Variants in COA8 observed in about 807,000 individuals in gnomAD.
The protein encoded by COA8 is cytochrome c oxidase assembly factor 8, also known as UPF0671 protein C14orf153.
A neutral mutation model predicts 22.0 loss-of-function variants in COA8; 20 were observed. The ratio of observed to expected loss-of-function variants is 0.91; its 90% confidence interval spans 0.64 to 1.32. The LOEUF is 1.32. COA8 is among the 40% of genes most tolerant of loss of function. The pLI, the probability that COA8 is intolerant of heterozygous loss-of-function variation, is 0.00. For missense variants in COA8, 266 were observed against 230.0 expected, an observed-to-expected ratio of 1.16 and a Z score of -1.01; for synonymous variants, 105 against 79.9, an observed-to-expected ratio of 1.31 and a Z score of -1.68.
chr14:103,577,642 G>C (rs545229870), intron 3 of COA8, among the ~76,000 whole-genome samples: 239 of 152,218 alleles, frequency 1.6e-3, no homozygotes, highest in African/African-American at 5.5e-3. Flanking sequence ...ACTTTGTGAG[G>C]CTGAGGTGGG....
intron 1 of COA8, chr14:103,567,391 A>AAT (rs1210458302): frequency 6.7e-6 from 1 of 149,906 alleles, no homozygotes; most frequent in African/African-American, 2.5e-5. Context: ...AAAAAAAAAA[A>AAT]AATTTTTTTT....
At chr14:103,563,281 C>T (rs1265687730) in intron 1 of COA8, 157 bp downstream of exon 1, 2 of 1,001,282 alleles carry the variant, frequency 2.0e-6, no homozygotes, top group Admixed American at 4.0e-5. Context: ...CCCGAGGCTC[C>T]CGCATCAACG....
chr14:103,584,685 G>A (rs1258723436), intron 3 of COA8, among the ~76,000 whole-genome samples: 1 of 152,134 alleles, frequency 6.6e-6, no homozygotes, highest in African/African-American at 2.4e-5. Context: ...GTCAACACTT[G>A]TTATTGTCTG....
chr14:103,574,078 CTTTT>C lies in COA8; in HGVS notation c.322-7_322-4del, dbSNP rs11337243. 4,538 of 1,007,970 alleles carry C rather than the reference CTTTT, an allele frequency of 4.5e-3. No homozygotes were observed. Among genetic ancestry groups the C allele is most frequent in the East Asian group, 9.6e-3 (262 of 27,276 alleles). 62.4% of individuals were successfully genotyped at this position (1,007,970 alleles called of 1,614,324 possible). On this transcript the variant is annotated intron_variant, in intron 2 of 4. Coordinates refer to ENST00000409074, the MANE Select transcript of COA8 (RefSeq NM_001370595.2). ...AGACAGAGAAAGGAGTTCTGAGAGC[CTTTT>C]TTTTTTTTTTTTTTTTTTTTTAAGG...
At chr14:103,582,570 A>G (rs2076275974) in intron 3 of COA8, among the ~76,000 whole-genome samples, 3 of 152,150 alleles carry the variant, frequency 2.0e-5, no homozygotes, top group African/African-American at 7.2e-5. Flanking sequence ...ATTCCCGTGT[A>G]GCGGTGGCTC....
At chr14:103,584,737 C>T (rs1181124358) in intron 3 of COA8, among the ~76,000 whole-genome samples, 2 of 152,132 alleles carry the variant, frequency 1.3e-5, no homozygotes, top group East Asian at 3.8e-4. Flanking sequence ...CGTGGCATGC[C>T]TTTGTCTTTC....
chr14:103,587,515 T>C (rs969084514), intron 4 of COA8, 151 bp downstream of exon 4: 103 of 519,580 alleles, frequency 2.0e-4, no homozygotes, highest in East Asian at 3.9e-4. Context: ...TTTCTTTTTT[T>C]TTTTTTTTTT....
rs773302707 is a variant in COA8, at chr14:103,571,684, A to G, written c.185A>G (p.Tyr62Cys). 10 of 1,614,118 alleles carry G rather than the reference A, an allele frequency of 6.2e-6. No homozygotes were observed. Among genetic ancestry groups the G allele is most frequent in the South Asian group, 1.1e-5 (1 of 91,090 alleles). The change falls in exon 2 of 5, where the codon TAT becomes TGT. Residue 62 changes from tyrosine to cysteine, a missense_variant. Transcript: ENST00000409074. ...CHDWIGPPDKYSNLRPVHFYI... is the reference protein window; with the variant it reads ...CHDWIGPPDKCSNLRPVHFYI... ...GATTGGATAGGACCCCCAGATAAATATTCAAACCTTCGACCTGTTCACTTT... is the reference window on the plus strand; with the variant it reads ...GATTGGATAGGACCCCCAGATAAATGTTCAAACCTTCGACCTGTTCACTTT...
intron 1 of COA8, among the ~76,000 whole-genome samples, chr14:103,570,847 A>G (rs1208204792): frequency 2.0e-5 from 3 of 152,096 alleles, no homozygotes; most frequent in African/African-American, 7.2e-5. Flanking sequence ...AATAGTTTGG[A>G]GGAAGGGGTG....
At chr14:103,580,047 G>A (rs2076256012) in intron 3 of COA8, among the ~76,000 whole-genome samples, 1 of 151,620 alleles carries the variant, frequency 6.6e-6, no homozygotes, top group Non-Finnish European at 1.5e-5. Context: ...ATCCAGGGAT[G>A]ACTTAAAGCA....
At chr14:103,587,762 CT>C (rs1034763764) in intron 4 of COA8, among the ~76,000 whole-genome samples, 14 of 151,822 alleles carry the variant, frequency 9.2e-5, no homozygotes, top group Admixed American at 9.2e-4. Flanking sequence ...CTGCCTTGGC[CT>C]CCCAAAGTGC....
Position 103,590,350 on chromosome 14 carries a change from G to A in COA8, c.*64G>A. 1.4e-6 allele frequency: 2 copies of A among 1,441,570 alleles called. No homozygotes were observed. The highest frequency in any genetic ancestry group is 1.9e-6 in the Non-Finnish European group (2 of 1,043,652). The allele number at this position is 1,441,570 out of a possible 1,614,324, so 89.3% of individuals were successfully genotyped here. On this transcript the variant is annotated 3_prime_UTR_variant, in exon 5 of 5. Coordinates refer to ENST00000409074, the MANE Select transcript of COA8 (RefSeq NM_001370595.2). ...GGAAGCAGATGGAGCTCCTTTCACA[G>A]GGGCTCTGAGAAAAACTGGAGCTGA...
chr14:103,588,997 C>T (rs912216192), intron 4 of COA8, among the ~76,000 whole-genome samples: 1 of 152,154 alleles, frequency 6.6e-6, no homozygotes, highest in African/African-American at 2.4e-5. Flanking sequence ...TATAATCTTT[C>T]CCTGGTCTTT....
At chr14:103,570,292 A>G (rs1022302556) in intron 1 of COA8, among the ~76,000 whole-genome samples, 1 of 152,228 alleles carries the variant, frequency 6.6e-6, no homozygotes, top group Admixed American at 6.5e-5. Context: ...TTGATCCAGC[A>G]TCAAATCAGT....
chr14:103,569,019 G>A (rs2076160230), intron 1 of COA8, among the ~76,000 whole-genome samples: 1 of 152,116 alleles, frequency 6.6e-6, no homozygotes, highest in Non-Finnish European at 1.5e-5. Flanking sequence ...GAATGCACAT[G>A]TGCCTCTCTG....
intron 3 of COA8, chr14:103,574,471 G>A: frequency 1.8e-6 from 1 of 559,638 alleles, no homozygotes; most frequent in Non-Finnish European, 3.4e-6. Context: ...CTCCAAAGCA[G>A]CTTTTCTTCT....
rs1169699744 is a variant in COA8, at chr14:103,572,774, CAA to C, written c.321+966_321+967del. 4.3e-3 allele frequency among the ~76,000 whole-genome samples: 601 copies of C among 139,644 alleles called. 5 individuals are homozygous for C. Among genetic ancestry groups the C allele is most frequent in the African/African-American group, 0.015 (574 of 38,480 alleles). The allele number at this position is 139,644 out of a possible 152,430, so 91.6% of individuals were successfully genotyped here. On this transcript the variant is annotated intron_variant, in intron 2 of 4. Coordinates refer to ENST00000409074, the MANE Select transcript of COA8 (RefSeq NM_001370595.2). ...TGTGTTGTCATTCTTCCTGAGAATTCAAAAAAAAAAAAATTTTTTTCTTTTTT... is the reference window on the plus strand; with the variant it reads ...TGTGTTGTCATTCTTCCTGAGAATTCAAAAAAAAAAATTTTTTTCTTTTTT...
intron 3 of COA8, among the ~76,000 whole-genome samples, chr14:103,580,896 A>G (rs985920981): frequency 2.7e-5 from 4 of 150,622 alleles, no homozygotes; most frequent in Non-Finnish European, 4.4e-5. Flanking sequence ...TCCTTGGTTC[A>G]AGGAATTCTC....
At chr14:103,564,151 CAA>C (rs59104875) in intron 1 of COA8, among the ~76,000 whole-genome samples, 6 of 143,478 alleles carry the variant, frequency 4.2e-5, no homozygotes, top group Admixed American at 1.4e-4. Flanking sequence ...GACTTCATCT[CAA>C]AAAAAAAAAA....
Sources: allele counts gnomAD v4.1 joint callset (sites outside exome capture counted in the v4.1 genomes callset), GRCh38; gene constraint gnomAD v4.1.1; transcripts MANE v1.5; gene names NCBI Gene and HGNC (gene_info 2026-07-23, HGNC 2026-07-21).